ARHGAP5: variants seen among roughly 807,000 people sequenced by gnomAD.
ARHGAP5 encodes Rho GTPase activating protein 5, also known as rho GTPase-activating protein 5.
ARHGAP5 carries 23 observed loss-of-function variants against 116.6 expected under a neutral mutation model. The observed-to-expected ratio is 0.20, with a 90% CI of 0.14 to 0.28. The LOEUF (loss-of-function observed/expected upper bound fraction) is 0.28. ARHGAP5 is among the 10% of genes least tolerant of loss of function. ARHGAP5 has a pLI of 1.00. For synonymous variants in ARHGAP5, 574 were observed against 602.0 expected (o/e 0.95, Z 0.68); for missense variants, 1,405 against 1,774.8 (o/e 0.79, Z 3.74).
chr14:32,078,022 T>A (rs904691857), intron 1 of ARHGAP5, among the ~76,000 whole-genome samples: 12 of 152,222 alleles, frequency 7.9e-5, no homozygotes, highest in Admixed American at 7.2e-4. Flanking sequence ...GAGTAAGATA[T>A]GAGAAGTTGC....
chr14:32,094,123 A>C lies in ARHGAP5; in HGVS notation c.3454A>C (p.Lys1152Gln). 6.2e-7 allele frequency: 1 copy of C among 1,613,920 alleles called. No homozygotes were observed. Among genetic ancestry groups the C allele is most frequent in the Non-Finnish European group, 8.5e-7 (1 of 1,179,952 alleles). ...SKSHGERRPS[K>Q]YKYKSKTLFS... ...AAGTCATGGGGAACGGAGGCCTTCAAAATACAAATATAAATCTAAAACCTT... is the reference window on the plus strand; with the variant it reads ...AAGTCATGGGGAACGGAGGCCTTCACAATACAAATATAAATCTAAAACCTT... Residue 1152 changes from lysine (K) to glutamine (Q), a missense_variant, in exon 2 of 7, where the codon AAA (lysine) becomes CAA (glutamine). Lys to Gln is a moderately conservative substitution (Grantham distance 53, BLOSUM62 1). Around this residue, in one of 6 missense-constraint regions of ARHGAP5, gnomAD observed 944 missense variants for 1,095.3 expected, o/e 0.86. Transcript: ENST00000345122.
intron 3 of ARHGAP5, among the ~76,000 whole-genome samples, chr14:32,133,988 C>A (rs1880652011): frequency 6.6e-6 from 1 of 152,060 alleles, no homozygotes; most frequent in Non-Finnish European, 1.5e-5. Flanking sequence ...CAGCTTCATC[C>A]CGATACCAAA....
rs1344422070 is a variant in ARHGAP5, at chr14:32,135,975, C to G, written c.3866-10288C>G. The stretch of plus-strand genomic sequence containing the variant: ...GTTTTCTTGAAATAATGATTTTTAC[C>G]ATTTACTCATGGACCTCCTTTTGTA... On this transcript the variant is annotated intron_variant, in intron 3 of 6. Transcript: ENST00000345122. Among the ~76,000 whole-genome samples the G allele has an allele frequency of 2.6e-5, 4 of 152,072 alleles. No homozygotes were observed. The East Asian group carries it at 7.7e-4, about 29-fold the overall frequency.
chr14:32,138,857 C>A (rs896174750), intron 3 of ARHGAP5, among the ~76,000 whole-genome samples: 4 of 152,148 alleles, frequency 2.6e-5, no homozygotes, highest in Middle Eastern at 3.4e-3. Context: ...TGTCCTTGAT[C>A]GTGTTGAAGA....
intron 3 of ARHGAP5, among the ~76,000 whole-genome samples, chr14:32,137,128 G>A (rs1880845679): frequency 6.6e-6 from 1 of 151,174 alleles, no homozygotes; most frequent in African/African-American, 2.4e-5. Flanking sequence ...CATGCTGTTG[G>A]TATCATAAAT....
chr14:32,113,240 C>T (rs1879398959), intron 2 of ARHGAP5, among the ~76,000 whole-genome samples: 1 of 152,122 alleles, frequency 6.6e-6, no homozygotes, highest in Non-Finnish European at 1.5e-5. Flanking sequence ...CTATCACTTA[C>T]AGAAAAAAGG....
intron 2 of ARHGAP5, among the ~76,000 whole-genome samples, chr14:32,094,687 A>G (rs1432745673): frequency 2.0e-5 from 3 of 151,908 alleles, no homozygotes; most frequent in Non-Finnish European, 4.4e-5. Context: ...TAATCATCCT[A>G]TTTTTCTGTT....
At chr14:32,088,710 G>A (rs1052805792) in intron 1 of ARHGAP5, among the ~76,000 whole-genome samples, 1 of 151,978 alleles carries the variant, frequency 6.6e-6, no homozygotes. Flanking sequence ...TGTATACACT[G>A]CTGCCACATA....
intron 1 of ARHGAP5, among the ~76,000 whole-genome samples, chr14:32,088,384 T>C (rs906859726): frequency 6.6e-6 from 1 of 151,972 alleles, no homozygotes; most frequent in African/African-American, 2.4e-5. Flanking sequence ...AAAAAAAGAA[T>C]AGATCTTGTA....
Position 32,092,743 on chromosome 14 carries a change from G to A in ARHGAP5, c.2074G>A (p.Ala692Thr). The change falls in exon 2 of 7, where the codon GCT becomes ACT. Residue 692 changes from alanine (A) to threonine (T), a missense_variant. Physicochemically the swap from Ala to Thr is moderately conservative, Grantham distance 58. Transcript: ENST00000345122. This position sits in a 1 kb window ranked among gnomAD's most constrained non-coding sequence, Gnocchi z 4.1. ...TCAGATCAGAAAAGATAAATACATG[G>A]CTAATCTTCCATTTACATTAATTCT... ...ASQIRKDKYM[A>T]NLPFTLILAN... The A allele has an allele frequency of 1.2e-6, 2 of 1,613,726 alleles. No individual in the cohort carries two copies. Among genetic ancestry groups the A allele is most frequent in the South Asian group, 2.2e-5 (2 of 90,998 alleles).
intron 3 of ARHGAP5, among the ~76,000 whole-genome samples, chr14:32,136,439 C>CTATATATATATAT (rs1407718547): frequency 1.4e-4 from 21 of 152,316 alleles, no homozygotes; most frequent in African/African-American, 5.1e-4. Context: ...TAGCATGTAT[C>CTATATATATATAT]AGTACATTAT....
chr14:32,132,647 T>A (rs1009381771), intron 3 of ARHGAP5, among the ~76,000 whole-genome samples: 5 of 152,236 alleles, frequency 3.3e-5, no homozygotes, highest in African/African-American at 1.2e-4. Context: ...GTTTTAGACA[T>A]GAAGTCCTTG....
intron 5 of ARHGAP5, among the ~76,000 whole-genome samples, chr14:32,151,251 A>C (rs1414489402): frequency 6.6e-6 from 1 of 152,216 alleles, no homozygotes; most frequent in Non-Finnish European, 1.5e-5. Context: ...TAACAAATGA[A>C]ATGTTGTTAG....
At chr14:32,137,830 G>C (rs967430896) in intron 3 of ARHGAP5, among the ~76,000 whole-genome samples, 5 of 152,096 alleles carry the variant, frequency 3.3e-5, no homozygotes, top group Non-Finnish European at 7.4e-5. Context: ...AAATTAGCCA[G>C]ACGTGGTGGC....
intron 1 of ARHGAP5, among the ~76,000 whole-genome samples, chr14:32,086,219 T>C (rs966834550): frequency 6.6e-6 from 1 of 152,148 alleles, no homozygotes; most frequent in Non-Finnish European, 1.5e-5. Context: ...TCCAGTGTGA[T>C]TGAAGCAGAA....
chr14:32,153,955 G>A (rs1168403503), intron 6 of ARHGAP5: 1 of 151,850 alleles, frequency 6.6e-6, no homozygotes, highest in Non-Finnish European at 1.5e-5. Context: ...AACAGAGGAA[G>A]GAAGGGAAAA....
At chr14:32,121,024 T>TTTA (rs1328359088) in intron 3 of ARHGAP5, among the ~76,000 whole-genome samples, 1 of 144,688 alleles carries the variant, frequency 6.9e-6, no homozygotes, top group African/African-American at 2.6e-5. Flanking sequence ...TTTTTTTTTT[T>TTTA]TTTTTTTTTG....
At chr14:32,121,084 T>C (rs112411001) in intron 3 of ARHGAP5, among the ~76,000 whole-genome samples, 12,806 of 141,730 alleles carry the variant, frequency 0.09, 1,882 homozygotes, top group African/African-American at 0.31. Flanking sequence ...GAGGTGTAAC[T>C]TCAGCTAGTT....
At chr14:32,082,752 C>A (rs111638382) in intron 1 of ARHGAP5, among the ~76,000 whole-genome samples, 41,001 of 152,126 alleles carry the variant, frequency 0.27, 6,920 homozygotes, top group Non-Finnish European at 0.39. Context: ...GTTGGTCGGG[C>A]TGGTCTCGAC....
Sources: gnomAD v4.1 joint callset for allele counts (sites outside exome capture counted in the v4.1 genomes callset) on GRCh38, gnomAD v4.1.1 for gene constraint, gnomAD v4.1.1 regional missense constraint, Gnocchi (gnomAD v3.1) non-coding constraint, MANE v1.5 for transcripts, NCBI Gene and HGNC (gene_info 2026-07-23, HGNC 2026-07-21) for gene names.